Variants in DLEU7 observed in about 807,000 individuals in gnomAD.
The protein encoded by DLEU7 is deleted in lymphocytic leukemia 7, also known as leukemia-associated protein 7.
Under a neutral mutation model 16.0 loss-of-function variants are expected in DLEU7, and 17 were observed. The ratio of observed to expected loss-of-function variants is 1.06; its 90% confidence interval spans 0.73 to 1.59. The LOEUF is 1.59. DLEU7 is among the 40% of genes most tolerant of loss of function. The pLI is 0.00. For missense variants in DLEU7, 308 were observed against 314.9 expected (o/e 0.98, Z 0.17); for synonymous variants, 113 against 139.8 (o/e 0.81, Z 1.35).
intron 1 of DLEU7, among the ~76,000 whole-genome samples, chr13:50,725,110 A>G (rs929739639): frequency 6.6e-6 from 1 of 152,062 alleles, no homozygotes; most frequent in Non-Finnish European, 1.5e-5. Flanking sequence ...CCCGTTCACA[A>G]TGTCCTTGAG....
rs1876088804 is a variant in DLEU7, at chr13:50,795,564, A to T, written c.459+47624T>A. ...TGCCACAATATGGAGTATGACATTT[A>T]TCCTGTTTTTCTTCAATATTTCTAA... On this transcript the variant is annotated intron_variant, in intron 1 of 1. Coordinates refer to the DLEU7 transcript ENST00000400393. Among the ~76,000 whole-genome samples, 8 of 152,316 alleles carry T rather than the reference A, an allele frequency of 5.3e-5. No individual in the cohort carries two copies. The South Asian group carries it at 1.7e-3, about 32-fold the overall frequency.
At chr13:50,825,784 G>A (rs1045031759) in intron 1 of DLEU7, among the ~76,000 whole-genome samples, 5 of 152,138 alleles carry the variant, frequency 3.3e-5, no homozygotes, top group African/African-American at 1.2e-4. Context: ...GTTTTACAAT[G>A]ATATTTAAGT....
At chr13:50,792,685 CT>C (rs938652505) in intron 1 of DLEU7, among the ~76,000 whole-genome samples, 1 of 152,162 alleles carries the variant, frequency 6.6e-6, no homozygotes, top group African/African-American at 2.4e-5. Flanking sequence ...CGTCATTCCA[CT>C]GTTGATAAGG....
At chr13:50,820,306 A>T (rs1474468750), downstream of DLEU7, among the ~76,000 whole-genome samples, 1 of 152,146 alleles carries the variant, frequency 6.6e-6, no homozygotes, top group Non-Finnish European at 1.5e-5. Flanking sequence ...AGCAAAAAAA[A>T]ACAAAACAGT....
chr13:50,734,358 G>C (rs923193756), intron 1 of DLEU7, among the ~76,000 whole-genome samples: 2 of 152,144 alleles, frequency 1.3e-5, no homozygotes, highest in African/African-American at 4.8e-5. Context: ...CAATAAGGCT[G>C]CTTTCCACCT....
chr13:50,727,214 C>CGTGTGTGT (rs3990136), intron 1 of DLEU7, among the ~76,000 whole-genome samples: 45 of 150,174 alleles, frequency 3.0e-4, no homozygotes, highest in African/African-American at 8.0e-4. Context: ...CTCTTGCATA[C>CGTGTGTGT]GTGTGTGTGT....
chr13:50,810,262 AT>A, intron 1 of DLEU7, among the ~76,000 whole-genome samples: 1 of 151,628 alleles, frequency 6.6e-6, no homozygotes, highest in Middle Eastern at 3.4e-3. Context: ...TCCTGAAGCT[AT>A]TTTTCCCCCA....
chr13:50,812,772 A>G (rs1876607619), intron 1 of DLEU7, among the ~76,000 whole-genome samples: 2 of 152,110 alleles, frequency 1.3e-5, no homozygotes, highest in South Asian at 4.2e-4. Flanking sequence ...CCAGTTATAC[A>G]TATGTATGTA....
At position 50,792,339 on chromosome 13, in the gene DLEU7, A is replaced by G. The variant is rs530226875; in HGVS notation, c.459+50849T>C. Among the ~76,000 whole-genome samples, 260 of 152,340 alleles carry G rather than the reference A, an allele frequency of 1.7e-3. 1 individual carries two copies. Among genetic ancestry groups the G allele is most frequent in the African/African-American group, 5.7e-3 (237 of 41,582 alleles). The stretch of plus-strand genomic sequence containing the variant: ...TCCATCCTGGAAGATATTTTTACAT[A>G]GGAAATATATTAGCTCAATAACTAC... On this transcript the variant is annotated intron_variant, in intron 1 of 1. Transcript: ENST00000400393.
intron 1 of DLEU7, among the ~76,000 whole-genome samples, chr13:50,770,332 G>A (rs1875258897): frequency 6.6e-6 from 1 of 152,152 alleles, no homozygotes; most frequent in African/African-American, 2.4e-5. Flanking sequence ...GTGAGAGAGG[G>A]CATCCCTGTC....
chr13:50,741,108 G>T (rs111547817), intron 1 of DLEU7, among the ~76,000 whole-genome samples: 1 of 152,128 alleles, frequency 6.6e-6, no homozygotes, highest in Non-Finnish European at 1.5e-5. Context: ...TCTTCTCAAC[G>T]TATTTCTACT....
chr13:50,843,547 G>A lies in DLEU7; in HGVS notation c.100C>T (p.Pro34Ser). The change falls in exon 1 of 2, where the codon CCA (proline) becomes TCA (serine). Residue 34 changes from proline to serine, a missense_variant. By Grantham distance (74) the Pro-to-Ser change is moderately conservative. Coordinates refer to ENST00000504404, the MANE Select transcript of DLEU7 (RefSeq NM_001306135.2). The surrounding 1 kb of genome is among the most constrained non-coding windows in gnomAD (Gnocchi z 5.7). ...TCCCGCGGGTTCCCGGGGGCGACTG[G>A]ACCGTCCCCCCAGCCCCACTCCTGC... ...LQQEWGWGDG[P>S]VAPGNPRDPD... 1 of 1,460,830 alleles carries A rather than the reference G, an allele frequency of 6.8e-7. No individual in the cohort carries two copies. Among genetic ancestry groups the A allele is most frequent in the East Asian group, 3.0e-5 (1 of 33,610 alleles). 90.5% of individuals were successfully genotyped at this position (1,460,830 alleles called of 1,614,324 possible). A position where few individuals can be genotyped will look rare whatever the true frequency, so the allele number is the denominator to read the frequency against.
chr13:50,793,991 G>A (rs985417207), intron 1 of DLEU7, among the ~76,000 whole-genome samples: 3 of 152,110 alleles, frequency 2.0e-5, no homozygotes, highest in Non-Finnish European at 2.9e-5. Flanking sequence ...GAGGTCTTAC[G>A]TTTAAGTTTT....
At chr13:50,770,842 G>T (rs1296963484) in intron 1 of DLEU7, among the ~76,000 whole-genome samples, 1 of 152,170 alleles carries the variant, frequency 6.6e-6, no homozygotes, top group Non-Finnish European at 1.5e-5. Flanking sequence ...CAGAAGGAAT[G>T]GTACCAGCTC....
intron 1 of DLEU7, among the ~76,000 whole-genome samples, chr13:50,739,280 G>A (rs1474780072): frequency 6.6e-6 from 1 of 152,062 alleles, no homozygotes; most frequent in East Asian, 1.9e-4. Flanking sequence ...CCACTTCTGT[G>A]TAAATTTCAT....
chr13:50,760,002 G>C (rs111932), intron 1 of DLEU7, among the ~76,000 whole-genome samples: 71,431 of 152,010 alleles, frequency 0.47, 17,754 homozygotes, highest in African/African-American at 0.62. Flanking sequence ...GCTCTACCTG[G>C]TTCCATAGCA....
At chr13:50,725,018 A>G (rs1873728752) in intron 1 of DLEU7, among the ~76,000 whole-genome samples, 1 of 152,170 alleles carries the variant, frequency 6.6e-6, no homozygotes, top group African/African-American at 2.4e-5. Flanking sequence ...ATACTTTCCA[A>G]ACAACGCTAA....
chr13:50,728,635 A>T (rs1426214672), intron 1 of DLEU7, among the ~76,000 whole-genome samples: 2 of 152,146 alleles, frequency 1.3e-5, no homozygotes, highest in Admixed American at 6.5e-5. Context: ...ATAGGAACCC[A>T]CCAAGAGTTG....
At chr13:50,722,820 G>A (rs1209775348) in intron 1 of DLEU7, among the ~76,000 whole-genome samples, 1 of 152,082 alleles carries the variant, frequency 6.6e-6, no homozygotes, top group Non-Finnish European at 1.5e-5. Flanking sequence ...GTAGTTGTAG[G>A]AAATACTACA....
Sources: allele counts gnomAD v4.1 joint callset (sites outside exome capture counted in the v4.1 genomes callset), GRCh38; gene constraint gnomAD v4.1.1; non-coding constraint Gnocchi (gnomAD v3.1); transcripts MANE v1.5; gene names NCBI Gene and HGNC (gene_info 2026-07-23, HGNC 2026-07-21).